SMAP1: variants seen among roughly 807,000 people sequenced by gnomAD.
SMAP1 encodes small ArfGAP 1.
A neutral mutation model predicts 58.5 loss-of-function variants in SMAP1; 24 were observed. That is an observed-to-expected ratio of 0.41 (90% CI 0.30 to 0.58). The LOEUF (loss-of-function observed/expected upper bound fraction) is 0.58, where lower values mean the gene tolerates loss of function less well. SMAP1 is among the 20% of genes least tolerant of loss of function. SMAP1 has a pLI of 0.29. For synonymous variants in SMAP1, 216 were observed against 196.6 expected (o/e 1.10, Z -0.82); for missense variants, 563 against 566.3 (o/e 0.99, Z 0.06).
intron 1 of SMAP1, among the ~76,000 whole-genome samples, chr6:70,726,874 GGTGTGTGTGTGTGTGTGTGTGT>G (rs35977042): frequency 6.9e-6 from 1 of 144,806 alleles, no homozygotes; most frequent in East Asian, 2.0e-4. Context: ...AAATTTTAGG[GGTGTGTGTGTGTGTGTGTGTGT>G]GTGTGTGTGT....
chr6:70,729,954 G>T (rs374249381), intron 1 of SMAP1, among the ~76,000 whole-genome samples: 2 of 152,196 alleles, frequency 1.3e-5, no homozygotes, highest in South Asian at 2.1e-4. Flanking sequence ...GGGGGTCACA[G>T]AATTAAGAGT....
At chr6:70,766,649 C>G (rs1767001507) in intron 3 of SMAP1, among the ~76,000 whole-genome samples, 1 of 152,036 alleles carries the variant, frequency 6.6e-6, no homozygotes, top group Non-Finnish European at 1.5e-5. Context: ...GTTATTAGCC[C>G]TTTGTCAGAT....
At chr6:70,779,367 G>A (rs1767669781) in intron 4 of SMAP1, among the ~76,000 whole-genome samples, 1 of 152,204 alleles carries the variant, frequency 6.6e-6, no homozygotes. Flanking sequence ...TGGCGGTACT[G>A]TCAAAATGGC....
chr6:70,721,818 T>C (rs1768540245), intron 1 of SMAP1, among the ~76,000 whole-genome samples: 1 of 152,128 alleles, frequency 6.6e-6, no homozygotes, highest in Non-Finnish European at 1.5e-5. Flanking sequence ...GAACCCCTGA[T>C]AAACCCGTCA....
intron 6 of SMAP1, among the ~76,000 whole-genome samples, chr6:70,801,062 T>C (rs1461439437): frequency 3.3e-5 from 5 of 152,222 alleles, no homozygotes; most frequent in Non-Finnish European, 5.9e-5. Flanking sequence ...CAAATGGTAT[T>C]TCTAGTTCTA....
intron 1 of SMAP1, among the ~76,000 whole-genome samples, chr6:70,680,782 G>A (rs1027602649): frequency 1.7e-5 from 2 of 119,834 alleles, no homozygotes; most frequent in Non-Finnish European, 3.2e-5. Flanking sequence ...GCAGTGGTAT[G>A]ATCTCGGCTC....
intron 1 of SMAP1, among the ~76,000 whole-genome samples, chr6:70,693,360 G>C (rs953457415): frequency 2.1e-5 from 3 of 146,262 alleles, no homozygotes; most frequent in Non-Finnish European, 4.5e-5. Context: ...CTGGAGTGCA[G>C]TGGTGCAATC....
At chr6:70,784,098 G>T (rs1767892332) in intron 4 of SMAP1, among the ~76,000 whole-genome samples, 1 of 152,168 alleles carries the variant, frequency 6.6e-6, no homozygotes, top group South Asian at 2.1e-4. Flanking sequence ...ACTAACAGCT[G>T]ACCTCTCGGC....
At position 70,773,398 on chromosome 6, in the gene SMAP1, C is replaced by T. The variant is rs146482454; in HGVS notation, c.387C>T (p.Tyr129=). 1.1e-4 allele frequency: 168 copies of T among 1,567,662 alleles called. 1 individual carries two copies. The East Asian group carries it at 2.3e-3, about 22-fold the overall frequency. The change falls in exon 4 of 11, where the codon TAC becomes TAT. Residue 129 remains tyrosine, a synonymous_variant. Transcript: ENST00000370455. The part of the protein sequence containing the change: ...IRDKYEKKKY[Y]DKNAIAITNI... The stretch of plus-strand genomic sequence containing the variant: ...ATAAATATGAAAAGAAGAAATACTA[C>T]GATAAAAATGCCATAGCTATTACAA...
intron 3 of SMAP1, among the ~76,000 whole-genome samples, chr6:70,766,191 T>C (rs1376577049): frequency 6.6e-6 from 1 of 152,192 alleles, no homozygotes; most frequent in Non-Finnish European, 1.5e-5. Flanking sequence ...TTGTGAATAG[T>C]GCCACAATAA....
At chr6:70,789,362 T>C (rs1768235949) in intron 4 of SMAP1, among the ~76,000 whole-genome samples, 1 of 152,028 alleles carries the variant, frequency 6.6e-6, no homozygotes, top group Admixed American at 6.6e-5. Flanking sequence ...ATGGCCTTGG[T>C]GACTGATCTG....
chr6:70,681,043 A>G (rs1197956376), intron 1 of SMAP1, among the ~76,000 whole-genome samples: 2 of 152,054 alleles, frequency 1.3e-5, no homozygotes, highest in African/African-American at 4.8e-5. Flanking sequence ...TCTATTAAAT[A>G]AAAGGATAAA....
chr6:70,751,163 C>T (rs1217034376), intron 2 of SMAP1, among the ~76,000 whole-genome samples: 3 of 152,112 alleles, frequency 2.0e-5, no homozygotes, highest in African/African-American at 7.2e-5. Context: ...TCACTTGAAC[C>T]TGGGAGATGG....
At chr6:70,833,807 G>A (rs77170119) in intron 6 of SMAP1, among the ~76,000 whole-genome samples, 169 of 152,100 alleles carry the variant, frequency 1.1e-3, no homozygotes, top group African/African-American at 3.9e-3. Context: ...AAAAAGTTTC[G>A]TTGTGGCCCA....
chr6:70,755,100 A>C (rs371934689), intron 3 of SMAP1, 35 bp downstream of exon 3: 1 of 1,482,006 alleles, frequency 6.7e-7, no homozygotes, highest in Non-Finnish European at 9.3e-7. Context: ...TGAGTTTAAA[A>C]AACATTAACT....
At chr6:70,730,385 T>C (rs1436097479) in intron 1 of SMAP1, among the ~76,000 whole-genome samples, 1 of 152,220 alleles carries the variant, frequency 6.6e-6, no homozygotes, top group Non-Finnish European at 1.5e-5. Context: ...CTTTCTTAGT[T>C]TGAGACTTAC....
At chr6:70,760,769 C>A (rs1453674298) in intron 3 of SMAP1, among the ~76,000 whole-genome samples, 1 of 151,988 alleles carries the variant, frequency 6.6e-6, no homozygotes, top group East Asian at 1.9e-4. Flanking sequence ...TAATATGGGA[C>A]CTCATTGCAT....
Position 70,829,419 on chromosome 6 carries a change from A to G in SMAP1, c.577-7522A>G, listed in dbSNP as rs574042692. ...CGTGCCACCTGGCATGATTTTTTTA[A>G]ATTGCAGTTTTCTGTTATGTCATTG... On this transcript the variant is annotated intron_variant, in intron 6 of 10. Coordinates refer to ENST00000370455, the MANE Select transcript of SMAP1 (RefSeq NM_001044305.3). Among the ~76,000 whole-genome samples, 3 of 152,090 alleles carry G rather than the reference A, an allele frequency of 2.0e-5. No homozygotes were observed. The South Asian group carries it at 6.2e-4, about 32-fold the overall frequency.
chr6:70,772,213 G>T (rs1767357050), intron 3 of SMAP1, among the ~76,000 whole-genome samples: 1 of 152,210 alleles, frequency 6.6e-6, no homozygotes, highest in African/African-American at 2.4e-5. Context: ...TTTCATCAGT[G>T]TCGTAAGAAA....
Sources: gnomAD v4.1 joint callset for allele counts (sites outside exome capture counted in the v4.1 genomes callset) on GRCh38, gnomAD v4.1.1 for gene constraint, MANE v1.5 for transcripts, NCBI Gene and HGNC (gene_info 2026-07-23, HGNC 2026-07-21) for gene names.